Variants in DLGAP1 observed in about 807,000 individuals in gnomAD.
DLGAP1 encodes disks large-associated protein 1.
A neutral mutation model predicts 90.8 loss-of-function variants in DLGAP1; 11 were observed. The observed-to-expected ratio is 0.12, with a 90% confidence interval of 0.08 to 0.20. The LOEUF (loss-of-function observed/expected upper bound fraction) is 0.20. DLGAP1 is among the 10% of genes least tolerant of loss of function. DLGAP1 has a pLI of 1.00. For missense variants in DLGAP1, 1,050 were observed against 1,333.8 expected, an observed-to-expected ratio of 0.79 and a Z score of 3.31; for synonymous variants, 558 against 540.7, an observed-to-expected ratio of 1.03 and a Z score of -0.44.
At chr18:3,744,690 C>T (rs541952577) in intron 5 of DLGAP1, among the ~76,000 whole-genome samples, 9 of 152,190 alleles carry the variant, frequency 5.9e-5, no homozygotes, top group East Asian at 1.9e-4. Context: ...GAATGACACA[C>T]GCACGCCACC....
intron 1 of DLGAP1, among the ~76,000 whole-genome samples, chr18:4,235,581 G>A (rs1346677837): frequency 6.6e-6 from 1 of 151,934 alleles, no homozygotes; most frequent in African/African-American, 2.4e-5. Context: ...ATTTGTTTTT[G>A]CCAGCACTGC....
chr18:3,999,873 G>A (rs1384309577), intron 3 of DLGAP1, among the ~76,000 whole-genome samples: 2 of 152,108 alleles, frequency 1.3e-5, no homozygotes, highest in African/African-American at 4.8e-5. Flanking sequence ...GTGCAGTGGC[G>A]CCATCATAGC....
chr18:3,511,090 T>A (rs2050514516), intron 10 of DLGAP1, among the ~76,000 whole-genome samples: 1 of 152,188 alleles, frequency 6.6e-6, no homozygotes, highest in South Asian at 2.1e-4. Context: ...ATACTTGCAA[T>A]TCCTGTGTCC....
At chr18:4,150,319 T>C (rs1301563272) in intron 2 of DLGAP1, among the ~76,000 whole-genome samples, 1 of 152,178 alleles carries the variant, frequency 6.6e-6, no homozygotes, top group Non-Finnish European at 1.5e-5. Context: ...TTTTTCTCCC[T>C]CCAAAAACTA....
At chr18:3,600,851 T>TATAGATATATATAGATATATAG (rs2056919974) in intron 7 of DLGAP1, among the ~76,000 whole-genome samples, 2 of 69,518 alleles carry the variant, frequency 2.9e-5, no homozygotes, top group African/African-American at 1.3e-4. Flanking sequence ...TATATAGATA[T>TATAGATATATATAGATATATAG]ATAGATATAT....
At chr18:3,972,309 C>T (rs568670679) in intron 3 of DLGAP1, among the ~76,000 whole-genome samples, 3 of 152,148 alleles carry the variant, frequency 2.0e-5, no homozygotes, top group Non-Finnish European at 4.4e-5. Context: ...GCCCGGAGTT[C>T]GAGACCAGCC....
intron 3 of DLGAP1, chr18:3,986,301 A>G (rs557398066): frequency 8.5e-4 from 129 of 152,328 alleles, no homozygotes; most frequent in Non-Finnish European, 1.5e-3. Flanking sequence ...GGAAACACAG[A>G]TCAACTTCTA....
chr18:4,173,487 A>G (rs1214365144), intron 1 of DLGAP1, among the ~76,000 whole-genome samples: 1 of 152,190 alleles, frequency 6.6e-6, no homozygotes, highest in Admixed American at 6.5e-5. Context: ...TATTAAGTGT[A>G]GAAAGTGGGA....
intron 2 of DLGAP1, among the ~76,000 whole-genome samples, chr18:4,090,886 T>A (rs2075764165): frequency 6.6e-6 from 1 of 152,184 alleles, no homozygotes; most frequent in South Asian, 2.1e-4. Context: ...ATGTGGTACA[T>A]ATACACCATG....
At chr18:4,364,958 G>A (rs1293675035) in intron 1 of DLGAP1, among the ~76,000 whole-genome samples, 4 of 152,108 alleles carry the variant, frequency 2.6e-5, no homozygotes, top group Non-Finnish European at 5.9e-5. Context: ...CCATGTAATT[G>A]TATGGTTTTG....
At chr18:3,848,127 CA>C (rs3862177) in intron 4 of DLGAP1, among the ~76,000 whole-genome samples, 13 of 32,078 alleles carry the variant, frequency 4.1e-4, no homozygotes, top group African/African-American at 2.1e-3. Flanking sequence ...GGCCCCGTCT[CA>C]AAAAAAAAAA....
At chr18:4,188,625 T>G (rs1252239366) in intron 1 of DLGAP1, among the ~76,000 whole-genome samples, 1 of 152,168 alleles carries the variant, frequency 6.6e-6, no homozygotes, top group East Asian at 1.9e-4. Context: ...TTCATCCATG[T>G]CCCCGCAAAG....
intron 7 of DLGAP1, among the ~76,000 whole-genome samples, chr18:3,591,075 AT>A (rs2056210782): frequency 6.6e-6 from 1 of 152,172 alleles, no homozygotes; most frequent in African/African-American, 2.4e-5. Flanking sequence ...TCTGCAGCAG[AT>A]TGAGGGCAAA....
intron 7 of DLGAP1, chr18:3,656,152 C>A: frequency 1.3e-6 from 2 of 1,529,548 alleles, no homozygotes; most frequent in South Asian, 1.2e-5. Context: ...TATAATGGAC[C>A]CAAATCGCCT....
chr18:3,669,094 G>A (rs1598277858), intron 7 of DLGAP1, among the ~76,000 whole-genome samples: 1 of 126,818 alleles, frequency 7.9e-6, no homozygotes, highest in South Asian at 2.5e-4. Flanking sequence ...CAAGTGATAA[G>A]TGTTTGTTAA....
intron 1 of DLGAP1, among the ~76,000 whole-genome samples, chr18:4,385,839 A>T (rs904473890): frequency 6.6e-6 from 1 of 152,228 alleles, no homozygotes; most frequent in African/African-American, 2.4e-5. Flanking sequence ...ATCCAGTTAG[A>T]GTAAACATGC....
chr18:3,720,895 A>AAAAAAAAAAAAAAAAAAAAAAAAAAAAAG (rs2061953800), intron 7 of DLGAP1, among the ~76,000 whole-genome samples: 2 of 140,408 alleles, frequency 1.4e-5, no homozygotes, highest in African/African-American at 5.7e-5. Context: ...CTACAAAAAA[A>AAAAAAAAAAAAAAAAAAAAAAAAAAAAAG]AAAAAAAAAA....
At chr18:3,888,665 A>G (rs1350607338) in intron 3 of DLGAP1, among the ~76,000 whole-genome samples, 2 of 152,216 alleles carry the variant, frequency 1.3e-5, no homozygotes, top group Non-Finnish European at 2.9e-5. Context: ...AAGTGGTTTC[A>G]TAACAGTTTT....
intron 7 of DLGAP1, among the ~76,000 whole-genome samples, chr18:3,582,532 T>C (rs1458849704): frequency 6.6e-6 from 1 of 152,078 alleles, no homozygotes; most frequent in African/African-American, 2.4e-5. Context: ...ATAAACTAGA[T>C]ACGATTAGCC....
Sources: allele counts gnomAD v4.1 joint callset (sites outside exome capture counted in the v4.1 genomes callset), GRCh38; gene constraint gnomAD v4.1.1; transcripts MANE v1.5; gene names NCBI Gene and HGNC (gene_info 2026-07-23, HGNC 2026-07-21).